PDILT: variants seen among roughly 807,000 people sequenced by gnomAD.
PDILT encodes the protein protein disulfide-isomerase-like protein of the testis.
PDILT carries 43 observed loss-of-function variants against 53.7 expected under a neutral mutation model. That is an observed-to-expected ratio of 0.80 (90% CI 0.63 to 1.03). The LOEUF is 1.03. Among genes scored for constraint, PDILT ranks in the 50% least tolerant of loss-of-function variants. The pLI, the probability that PDILT is intolerant of heterozygous loss-of-function variation, is 0.00. For missense variants in PDILT, 727 were observed against 712.3 expected, an observed-to-expected ratio of 1.02 and a Z score of -0.24; for synonymous variants, 282 against 274.2, an observed-to-expected ratio of 1.03 and a Z score of -0.28.
At position 20,362,414 on chromosome 16, in the gene PDILT, C is replaced by A. The variant is rs1966118031; in HGVS notation, c.1406G>T (p.Gly469Val). ...RYPFFRLFPS[G>V]SQQAVLYKGE... ...CCAAGAGCCCCTCACTTGTTGAGAG[C>A]CGCTGGGGAACAGCCTGAAGAATGG... is the stretch of plus-strand genomic sequence containing the variant. Residue 469 changes from glycine (G) to valine (V), a missense_variant, in exon 10 of 12, where the codon GGC becomes GTC. Gly to Val is a moderately radical substitution (Grantham distance 109). Coordinates refer to ENST00000302451, the MANE Select transcript of PDILT (RefSeq NM_174924.2). 1 of 1,613,914 alleles carries A rather than the reference C, an allele frequency of 6.2e-7. No homozygotes were observed. The highest frequency in any genetic ancestry group is 8.5e-7 in the Non-Finnish European group (1 of 1,179,958).
At chr16:20,379,251 C>T (rs762844165) in intron 3 of PDILT, among the ~76,000 whole-genome samples, 5 of 151,946 alleles carry the variant, frequency 3.3e-5, no homozygotes, top group African/African-American at 9.7e-5. Flanking sequence ...CTTGGCTCAC[C>T]GTACCTCTGC....
In PDILT at chr16:20,366,988, C is replaced by CTTTA. The variant is rs1247272470; in HGVS notation, c.1117-1449_1117-1448insTAAA. 8.4e-4 allele frequency among the ~76,000 whole-genome samples: 70 copies of CTTTA among 83,458 alleles called. 3 individuals are homozygous for CTTTA. The highest frequency in any genetic ancestry group is 3.2e-3 in the African/African-American group (64 of 20,246). 54.8% of individuals were successfully genotyped at this position (83,458 alleles called of 152,430 possible). The stretch of plus-strand genomic sequence containing the variant: ...CCTTCCTTCCTTCCTTCCTTCCTTC[C>CTTTA]TTTCTTTCTTTCTTTATTTATTTCT... On this transcript the variant is annotated intron_variant, in intron 8 of 11. Transcript: ENST00000302451.
In PDILT at chr16:20,384,963, T is replaced by C. The variant is rs1966515076; in HGVS notation, c.203-112A>G. 44 of 970,380 alleles carry C rather than the reference T, an allele frequency of 4.5e-5. 1 individual carries two copies. In the Middle Eastern group the frequency reaches 7.8e-4, roughly 17 times the overall value. 60.1% of individuals were successfully genotyped at this position (970,380 alleles called of 1,614,324 possible). A position where few individuals can be genotyped will look rare whatever the true frequency, so the allele number is the denominator to read the frequency against. On this transcript the variant is annotated intron_variant, in intron 2 of 11. Coordinates refer to ENST00000302451, the MANE Select transcript of PDILT (RefSeq NM_174924.2). The stretch of plus-strand genomic sequence containing the variant: ...CCGGAACCTTTCTTGTGCTCAGCGG[T>C]TAATGGCTGAATTTTCATAAATGTG...
intron 2 of PDILT, among the ~76,000 whole-genome samples, chr16:20,386,248 G>A (rs1263497704): frequency 6.6e-6 from 1 of 152,124 alleles, no homozygotes; most frequent in African/African-American, 2.4e-5. Context: ...CTGGCTAAAC[G>A]GAGGGGACTA....
chr16:20,392,982 G>A (rs1056369780), intron 2 of PDILT, among the ~76,000 whole-genome samples: 37 of 152,262 alleles, frequency 2.4e-4, no homozygotes, highest in Admixed American at 1.4e-3. Context: ...AATGTGTTGA[G>A]GTGTGTTATG....
intron 5 of PDILT, 120 bp from the exon 6 acceptor site, chr16:20,373,242 G>A: frequency 3.7e-6 from 3 of 814,332 alleles, no homozygotes; most frequent in Non-Finnish European, 6.0e-6. Flanking sequence ...ATGGTATCAG[G>A]TGTAGTCTGT....
chr16:20,389,525 G>C (rs1966582193), intron 2 of PDILT, among the ~76,000 whole-genome samples: 1 of 152,134 alleles, frequency 6.6e-6, no homozygotes, highest in Non-Finnish European at 1.5e-5. Flanking sequence ...TCCGGCTACT[G>C]ATGAAAGGGA....
intron 8 of PDILT, among the ~76,000 whole-genome samples, chr16:20,367,061 T>C (rs571931311): frequency 9.0e-5 from 11 of 122,156 alleles, no homozygotes; most frequent in African/African-American, 1.4e-4. Flanking sequence ...CTTTCTTTCT[T>C]TCTTTCTTTC....
chr16:20,396,446 T>C (rs1196964897), intron 2 of PDILT, among the ~76,000 whole-genome samples: 3 of 152,226 alleles, frequency 2.0e-5, no homozygotes, highest in Non-Finnish European at 4.4e-5. Flanking sequence ...TTTCAACGAC[T>C]TCTACTAACT....
chr16:20,385,669 A>G (rs1966524799), intron 2 of PDILT, among the ~76,000 whole-genome samples: 1 of 151,982 alleles, frequency 6.6e-6, no homozygotes, highest in African/African-American at 2.4e-5. Flanking sequence ...GGGTGCACTA[A>G]AATCTCAGAC....
intron 8 of PDILT, among the ~76,000 whole-genome samples, chr16:20,367,671 G>A (rs11647854): frequency 0.57 from 86,616 of 151,976 alleles, 25,439 homozygotes; most frequent in Middle Eastern, 0.62. Context: ...TCCAATGTGA[G>A]GACATCTATT....
At chr16:20,383,314 C>T (rs1323098490) in intron 3 of PDILT, among the ~76,000 whole-genome samples, 1 of 152,168 alleles carries the variant, frequency 6.6e-6, no homozygotes, top group African/African-American at 2.4e-5. Flanking sequence ...CATTTCCTCA[C>T]AGCTCTCCCC....
At chr16:20,397,804 C>A (rs1005618443) in intron 2 of PDILT, among the ~76,000 whole-genome samples, 1 of 152,198 alleles carries the variant, frequency 6.6e-6, no homozygotes, top group Non-Finnish European at 1.5e-5. Context: ...TTCCCTGGAA[C>A]CTTAGGCTCT....
intron 2 of PDILT, among the ~76,000 whole-genome samples, chr16:20,389,328 A>T (rs1015021888): frequency 2.6e-5 from 4 of 152,182 alleles, no homozygotes; most frequent in South Asian, 2.1e-4. Flanking sequence ...ATTCATAAAA[A>T]GTGGGGTTAT....
intron 3 of PDILT, among the ~76,000 whole-genome samples, chr16:20,377,967 AAAAAGAAAGAAAG>A (rs1187686680): frequency 7.2e-5 from 11 of 151,966 alleles, no homozygotes; most frequent in Admixed American, 6.6e-5. Context: ...AAAGAAAAAA[AAAAAGAAAGAAAG>A]AAAAGAATGC....
intron 11 of PDILT, 74 bp from the exon 12 acceptor site, chr16:20,359,641 T>C: frequency 3.5e-6 from 5 of 1,422,160 alleles, no homozygotes; most frequent in Admixed American, 1.8e-5. Flanking sequence ...GCAAGAAATA[T>C]GTCATCATTG....
chr16:20,391,269 AATC>A (rs940581346), intron 2 of PDILT: 17 of 162,172 alleles, frequency 1.0e-4, no homozygotes, highest in East Asian at 1.9e-4. Context: ...CACCATAGTT[AATC>A]ATCATCATCA....
chr16:20,363,021 G>A (rs532496458), intron 9 of PDILT, among the ~76,000 whole-genome samples: 10 of 132,164 alleles, frequency 7.6e-5, no homozygotes, highest in Non-Finnish European at 1.5e-4. Context: ...GCAATGAGCC[G>A]AGATTGCGCC....
rs185707442 is a variant in PDILT at position 20,360,401 on chromosome 16, T to C, written c.1506+167A>G. Among the ~76,000 whole-genome samples, 389 of 152,246 alleles carry C rather than the reference T, an allele frequency of 2.6e-3. 5 individuals are homozygous for C. Among genetic ancestry groups the C allele is most frequent in the African/African-American group, 9.0e-3 (374 of 41,552 alleles). On this transcript the variant is annotated intron_variant, in intron 11 of 11. Transcript: ENST00000302451. ...TTTCTGCTTCCCATAGTAAGTGCCT[T>C]TGAAATAAAGGTGACTAGTAGAGTC...
Sources: allele counts gnomAD v4.1 joint callset (sites outside exome capture counted in the v4.1 genomes callset), GRCh38; gene constraint gnomAD v4.1.1; transcripts MANE v1.5; gene names NCBI Gene and HGNC (gene_info 2026-07-23, HGNC 2026-07-21).